KLHL32: variants seen among roughly 807,000 people sequenced by gnomAD.
The protein encoded by KLHL32 is kelch-like protein 32.
A neutral mutation model predicts 64.8 loss-of-function variants in KLHL32; 35 were observed. That is an observed-to-expected ratio of 0.54 (90% CI 0.41 to 0.72). The LOEUF is 0.72. Ranked by LOEUF, KLHL32 falls within the 30% of genes least tolerant of loss-of-function variation. The probability of loss-of-function intolerance (pLI) is 0.00; values close to 1 mark genes in which losing one functional copy is unlikely to be tolerated. For synonymous variants in KLHL32, 259 were observed against 281.0 expected, an observed-to-expected ratio of 0.92 and a Z score of 0.78; for missense variants, 589 against 768.5, an observed-to-expected ratio of 0.77 and a Z score of 2.76.
the KLHL32 span, among the ~76,000 whole-genome samples, chr6:96,904,914 C>T: frequency 6.6e-6 from 1 of 151,920 alleles, no homozygotes; most frequent in African/African-American, 2.4e-5. Flanking sequence ...TGCTTTTTCC[C>T]CTTGCTCTCC....
chr6:97,040,725 C>A (rs186168596), intron 3 of KLHL32, among the ~76,000 whole-genome samples: 17 of 152,264 alleles, frequency 1.1e-4, no homozygotes, highest in Middle Eastern at 3.4e-3. Context: ...CTATAATCCC[C>A]ACATGTCAAG....
the KLHL32 span, among the ~76,000 whole-genome samples, chr6:96,904,982 T>A: frequency 6.6e-6 from 1 of 152,242 alleles, no homozygotes; most frequent in African/African-American, 2.4e-5. Context: ...CCCTGCTGCA[T>A]CAGTTTGCTT....
chr6:97,071,493 T>C (rs11153367), intron 5 of KLHL32, among the ~76,000 whole-genome samples: 58,191 of 151,894 alleles, frequency 0.38, 11,220 homozygotes, highest in Middle Eastern at 0.49. Flanking sequence ...TATCACTCTC[T>C]TTCATGCATC....
At chr6:97,038,711 C>CTA (rs1440345017) in intron 3 of KLHL32, among the ~76,000 whole-genome samples, 1 of 151,672 alleles carries the variant, frequency 6.6e-6, no homozygotes, top group Non-Finnish European at 1.5e-5. Context: ...ATCTATATAT[C>CTA]TATATATATC....
chr6:96,953,497 G>A (rs1772881998), intron 1 of KLHL32, among the ~76,000 whole-genome samples: 1 of 152,052 alleles, frequency 6.6e-6, no homozygotes. Flanking sequence ...GGGTGTGGTG[G>A]CACATAACTG....
At chr6:96,950,231 A>T (rs981179569) in intron 1 of KLHL32, among the ~76,000 whole-genome samples, 2 of 104,316 alleles carry the variant, frequency 1.9e-5, no homozygotes, top group Non-Finnish European at 4.2e-5. Context: ...CATTTGTGTT[A>T]AAAAAAAAAA....
the KLHL32 span, among the ~76,000 whole-genome samples, chr6:96,900,695 C>T: frequency 3.3e-5 from 5 of 152,188 alleles, no homozygotes; most frequent in Admixed American, 2.0e-4. Context: ...CAGCATTCTG[C>T]GTTCTCCAAA....
chr6:97,024,580 ATTC>A (rs1782461740), intron 3 of KLHL32, among the ~76,000 whole-genome samples: 1 of 152,170 alleles, frequency 6.6e-6, no homozygotes, highest in Non-Finnish European at 1.5e-5. Context: ...CCATCATCAT[ATTC>A]TTCTTTAAAA....
the KLHL32 span, among the ~76,000 whole-genome samples, chr6:96,904,257 G>A: frequency 6.7e-6 from 1 of 148,428 alleles, no homozygotes; most frequent in Admixed American, 6.9e-5. Context: ...CACAAGAATA[G>A]CTTGAACCCA....
chr6:97,105,046 C>G (rs1796219933), intron 6 of KLHL32, among the ~76,000 whole-genome samples: 1 of 152,136 alleles, frequency 6.6e-6, no homozygotes, highest in African/African-American at 2.4e-5. Flanking sequence ...TATTGCATGG[C>G]AAATCGCAAC....
chr6:96,907,787 A>G, the KLHL32 span, among the ~76,000 whole-genome samples: 19 of 152,210 alleles, frequency 1.2e-4, 1 homozygote, highest in Admixed American at 1.1e-3. Flanking sequence ...TAAGTGAAAT[A>G]TGATTCATGT....
intron 4 of KLHL32, among the ~76,000 whole-genome samples, chr6:97,061,577 C>G (rs1788905382): frequency 6.6e-6 from 1 of 152,062 alleles, no homozygotes; most frequent in Admixed American, 6.6e-5. Context: ...TGCAGGTGGT[C>G]CTTGAGTCAC....
At chr6:96,931,357 G>A (rs72924743) in intron 1 of KLHL32, among the ~76,000 whole-genome samples, 4,980 of 152,162 alleles carry the variant, frequency 0.033, 106 homozygotes, top group Middle Eastern at 0.089. Context: ...GTCACCCCCC[G>A]GCTCATGGGC....
At chr6:97,035,673 C>T (rs1784188780) in intron 3 of KLHL32, among the ~76,000 whole-genome samples, 2 of 151,970 alleles carry the variant, frequency 1.3e-5, no homozygotes, top group South Asian at 2.1e-4. Context: ...TGGCCTGCAA[C>T]ATTTCTACTA....
chr6:96,900,345 A>T, the KLHL32 span, among the ~76,000 whole-genome samples: 1 of 152,230 alleles, frequency 6.6e-6, no homozygotes, highest in South Asian at 2.1e-4. Flanking sequence ...AAAAGGACAC[A>T]TATTCTGAAG....
chr6:97,029,947 T>C (rs767192876), intron 3 of KLHL32, among the ~76,000 whole-genome samples: 3 of 152,234 alleles, frequency 2.0e-5, no homozygotes, highest in Non-Finnish European at 4.4e-5. Flanking sequence ...TAAGATGTAA[T>C]GGATCTACTG....
chr6:97,054,446 A>C (rs546044443), intron 4 of KLHL32, among the ~76,000 whole-genome samples: 2 of 152,344 alleles, frequency 1.3e-5, no homozygotes, highest in South Asian at 4.1e-4. Flanking sequence ...GCTTTCTCAC[A>C]GTAGGTCAAA....
chr6:96,936,140 G>C (rs1770571586), intron 1 of KLHL32, among the ~76,000 whole-genome samples: 1 of 152,164 alleles, frequency 6.6e-6, no homozygotes, highest in Non-Finnish European at 1.5e-5. Flanking sequence ...TAAGTCTAAT[G>C]TCACTAGAAA....
Position 97,140,715 on chromosome 6 carries a change from G to C in KLHL32, c.*1433G>C, listed in dbSNP as rs1202262756. 2 of 151,408 alleles carry C rather than the reference G, an allele frequency of 1.3e-5. No homozygotes were observed. Among genetic ancestry groups the C allele is most frequent in the East Asian group, 3.9e-4 (2 of 5,176 alleles). 9.4% of individuals were successfully genotyped at this position (151,408 alleles called of 1,614,324 possible). ...TATTTTATTCATGTAACCTTTTTTT[G>C]TAATCAAAAGTGAATAAAAACGATC... On this transcript the variant is annotated 3_prime_UTR_variant, in exon 11 of 11. Coordinates refer to ENST00000369261, the MANE Select transcript of KLHL32 (RefSeq NM_052904.4).
Sources: allele counts gnomAD v4.1 joint callset (sites outside exome capture counted in the v4.1 genomes callset), GRCh38; gene constraint gnomAD v4.1.1; transcripts MANE v1.5; gene names NCBI Gene and HGNC (gene_info 2026-07-23, HGNC 2026-07-21).